The following EMC1 variants were observed in gnomAD, a reference collection of about 807,000 sequenced individuals.
EMC1 encodes KIAA0090.
EMC1 carries 103 observed loss-of-function variants against 128.8 expected under a neutral mutation model. The observed-to-expected ratio is 0.80, with a 90% CI of 0.68 to 0.94. The LOEUF (loss-of-function observed/expected upper bound fraction) is 0.94, where lower values mean the gene tolerates loss of function less well. EMC1 is among the 40% of genes least tolerant of loss of function. The pLI is 0.00. For synonymous variants in EMC1, 442 were observed against 490.4 expected, an observed-to-expected ratio of 0.90 and a Z score of 1.30; for missense variants, 1,083 against 1,250.6, an observed-to-expected ratio of 0.87 and a Z score of 2.02.
At position 19,237,145 on chromosome 1, in the gene EMC1, A is replaced by G. The variant is rs1408625862; in HGVS notation, c.1306T>C (p.Leu436=). 1 of 1,612,170 alleles carries G rather than the reference A, an allele frequency of 6.2e-7. No homozygotes were observed. Among genetic ancestry groups the G allele is most frequent in the East Asian group, 2.2e-5 (1 of 44,872 alleles). ...GGGTTGAATGAGGTCTACTTACCCA[A>G]CTGCTGCAGGAAAAGTAGCAGATGA... ...EDHLLLFLQQ[L]AGKVVLWSRE... is the part of the protein sequence containing the mutation. Residue 436 remains leucine, a synonymous_variant, in exon 12 of 23, where the codon TTG becomes CTG. Coordinates refer to ENST00000477853, the MANE Select transcript of EMC1 (RefSeq NM_015047.3).
chr1:19,219,177 T>A lies in EMC1; in HGVS notation c.*126A>T. 1 of 888,468 alleles carries A rather than the reference T, an allele frequency of 1.1e-6. No individual in the cohort carries two copies. The highest frequency in any genetic ancestry group is 1.8e-6 in the Non-Finnish European group (1 of 567,350). The allele number at this position is 888,468 out of a possible 1,614,324, so 55.0% of individuals were successfully genotyped here. A position where few individuals can be genotyped will look rare whatever the true frequency, so the allele number is the denominator to read the frequency against. The stretch of plus-strand genomic sequence containing the variant: ...AGTTCTGCGTGAAGGTCATCCATCT[T>A]CCCTACAGTTCTTAGCTGAGCACTG... On this transcript the variant is annotated 3_prime_UTR_variant, in exon 23 of 23. Transcript: ENST00000477853.
chr1:19,230,215 A>G (rs1033901002), intron 17 of EMC1, among the ~76,000 whole-genome samples: 1 of 152,220 alleles, frequency 6.6e-6, no homozygotes, highest in Non-Finnish European at 1.5e-5. Flanking sequence ...CTTATTACTC[A>G]ACCCACATTC....
At position 19,238,832 on chromosome 1, in the gene EMC1, C is replaced by G. The variant is rs370803621; in HGVS notation, c.1052G>C (p.Gly351Ala). Reference protein sequence around the residue: ...EVQKSSSSEDGSMGSFSEKSS... With the variant: ...EVQKSSSSEDASMGSFSEKSS... ...CTTCTCCGAAAAGCTCCCCATTGAC[C>G]CATCTTCAGAACTGCTACTTTTCTG... is the stretch of plus-strand genomic sequence containing the variant. The change falls in exon 10 of 23, where the codon GGG becomes GCG. Residue 351 changes from glycine (G) to alanine (A), a missense_variant. This residue lies in a region of EMC1 where 544 missense variants were observed against 572.4 expected (regional missense o/e 0.95). Transcript: ENST00000477853. 76 of 1,611,624 alleles carry G rather than the reference C, an allele frequency of 4.7e-5. No homozygotes were observed. The highest frequency in any genetic ancestry group is 1.6e-4 in the Middle Eastern group (1 of 6,076).
intron 1 of EMC1, 86 bp downstream of exon 1, chr1:19,251,329 C>T (rs2093658204): frequency 5.5e-6 from 7 of 1,274,240 alleles, no homozygotes; most frequent in Non-Finnish European, 8.0e-6. Context: ...GCGGCCAATC[C>T]TGTTAAGTGA....
intron 18 of EMC1, among the ~76,000 whole-genome samples, chr1:19,224,739 T>C (rs2093458904): frequency 6.6e-6 from 1 of 152,232 alleles, no homozygotes; most frequent in Non-Finnish European, 1.5e-5. Flanking sequence ...AACTTCCCAG[T>C]GGCTCTTCAC....
rs1013104242 is a variant in EMC1 at position 19,219,292 on chromosome 1, G to C, written c.*11C>G. On this transcript the variant is annotated 3_prime_UTR_variant, in exon 23 of 23. Coordinates refer to ENST00000477853, the MANE Select transcript of EMC1 (RefSeq NM_015047.3). ...CCCTGGCTCTCCACTTTTAGGCACA[G>C]TCTTTGTTCTTTATCGCCAGGCCCG... The C allele has an allele frequency of 1.7e-5, 27 of 1,613,934 alleles. No homozygotes were observed. Among genetic ancestry groups the C allele is most frequent in the Non-Finnish European group, 2.3e-5 (27 of 1,179,948 alleles).
In EMC1 at chr1:19,243,639, A is replaced by G. The variant is rs1477159199; in HGVS notation, c.355T>C (p.Trp119Arg). The G allele has an allele frequency of 1.2e-6, 2 of 1,614,144 alleles. No homozygotes were observed. The change falls in exon 4 of 23, where the codon TGG (tryptophan) becomes CGG (arginine). Residue 119 changes from tryptophan (W) to arginine (R), a missense_variant. Trp to Arg is a moderately radical substitution (Grantham distance 101, BLOSUM62 -3). This residue lies in a region of EMC1 where 544 missense variants were observed against 572.4 expected (regional missense o/e 0.95). Transcript: ENST00000477853. ...SWETNIGGLN[W>R]EITLDSGSFQ... ...CTGCCACTGTCCAGGGTTATCTCCC[A>G]GTTCAGGCCCCCGATGTTAGTCTCC...
rs139714938 is a variant in EMC1 at position 19,227,393 on chromosome 1, C to A, written c.2122G>T (p.Val708Phe). Residue 708 changes from valine to phenylalanine, a missense_variant, in exon 18 of 23, where the codon GTC becomes TTC. Physicochemically the swap from Val to Phe is conservative, Grantham distance 50 (BLOSUM62 -1). Coordinates refer to ENST00000477853, the MANE Select transcript of EMC1 (RefSeq NM_015047.3). ...LTIPPEVQRI[V>F]KVKGKRSSEH... ...CTGCTGCGTTTCCCCTTCACCTTGA[C>A]GATCCGCTGTACTTCTGGGGGAATG... 3.6e-5 allele frequency: 58 copies of A among 1,614,106 alleles called. No individual in the cohort carries two copies. Among genetic ancestry groups the A allele is most frequent in the Non-Finnish European group, 4.8e-5 (57 of 1,180,052 alleles).
At chr1:19,250,540 T>C (rs997804305) in intron 1 of EMC1, among the ~76,000 whole-genome samples, 2 of 152,290 alleles carry the variant, frequency 1.3e-5, no homozygotes, top group South Asian at 4.1e-4. Flanking sequence ...TCAACATATA[T>C]GCGAATCAAC....
intron 8 of EMC1, 96 bp from the exon 9 acceptor site, chr1:19,239,398 G>C (rs924610461): frequency 2.1e-5 from 23 of 1,084,782 alleles, no homozygotes; most frequent in Non-Finnish European, 2.2e-5. Context: ...CTTGGCCTTA[G>C]AGTTGAAAGT....
intron 17 of EMC1, among the ~76,000 whole-genome samples, chr1:19,228,192 C>T (rs1278229397): frequency 9.3e-5 from 12 of 128,400 alleles, no homozygotes; most frequent in South Asian, 2.4e-4. Context: ...GCAACAAGAG[C>T]GAAACTCCGG....
At chr1:19,220,970 C>A in intron 20 of EMC1, 122 bp from the exon 21 acceptor site, 1 of 608,020 alleles carries the variant, frequency 1.6e-6, no homozygotes, top group South Asian at 2.2e-5. Context: ...CAATGAGGCT[C>A]CCTTACATAG....
chr1:19,239,425 C>T, intron 8 of EMC1, 123 bp from the exon 9 acceptor site: 1 of 781,312 alleles, frequency 1.3e-6, no homozygotes, highest in South Asian at 1.7e-5. Context: ...CACTTTGGAG[C>T]AGAATGGTCA....
chr1:19,235,296 A>C, intron 12 of EMC1, 44 bp from the exon 13 acceptor site: 2 of 1,588,712 alleles, frequency 1.3e-6, no homozygotes, highest in Non-Finnish European at 1.7e-6. Context: ...GGCTGGGCAC[A>C]GTGGCTCATG....
intron 13 of EMC1, 31 bp downstream of exon 13, chr1:19,235,099 A>G: frequency 6.2e-7 from 1 of 1,608,024 alleles, no homozygotes. Flanking sequence ...CCCTCCAGCA[A>G]CTCTGCAGCT....
chr1:19,238,924 C>T (rs1355112124), intron 9 of EMC1, 67 bp from the exon 10 acceptor site: 3 of 1,165,518 alleles, frequency 2.6e-6, no homozygotes, highest in Non-Finnish European at 2.6e-6. Flanking sequence ...TGAAATGAAG[C>T]TTTTGTTTTT....
At position 19,240,520 on chromosome 1, in the gene EMC1, T is replaced by C. The variant is rs1017336510; in HGVS notation, c.637-74A>G. 1.4e-5 allele frequency: 22 copies of C among 1,544,638 alleles called. No individual in the cohort carries two copies. The African/African-American group carries it at 2.3e-4, about 16-fold the overall frequency. On this transcript the variant is annotated intron_variant, in intron 6 of 22. Coordinates refer to ENST00000477853, the MANE Select transcript of EMC1 (RefSeq NM_015047.3). ...TTCCCTCTCAGCCCAACAGCAATAT[T>C]GCTGCCAGCATCCCACTGGGGGTCC... is the stretch of plus-strand genomic sequence containing the variant.
chr1:19,232,387 G>A (rs1005619335), intron 15 of EMC1, among the ~76,000 whole-genome samples: 1 of 152,216 alleles, frequency 6.6e-6, no homozygotes, highest in Non-Finnish European at 1.5e-5. Context: ...CCAATGTTTA[G>A]AAAAGAGGAG....
chr1:19,219,826 G>A, intron 21 of EMC1, 128 bp from the exon 22 acceptor site: 1 of 985,074 alleles, frequency 1.0e-6, no homozygotes, highest in Non-Finnish European at 1.5e-6. Context: ...AGGTCTGCTT[G>A]CATTAGGTAG....
Sources: gnomAD v4.1 joint callset for allele counts (sites outside exome capture counted in the v4.1 genomes callset) on GRCh38, gnomAD v4.1.1 for gene constraint, gnomAD v4.1.1 regional missense constraint, MANE v1.5 for transcripts, NCBI Gene and HGNC (gene_info 2026-07-23, HGNC 2026-07-21) for gene names.